The following STAG1 variants were observed in gnomAD, a reference collection of about 807,000 sequenced individuals.
STAG1 encodes the protein STAG1 cohesin complex component, also known as cohesin subunit SA-1.
A neutral mutation model predicts 170.9 loss-of-function variants in STAG1; 26 were observed. The ratio of observed to expected loss-of-function variants is 0.15; its 90% CI spans 0.11 to 0.21. STAG1 has a LOEUF of 0.21. Ranked by LOEUF, STAG1 falls within the 10% of genes least tolerant of loss-of-function variation. The pLI, the probability that STAG1 is intolerant of heterozygous loss-of-function variation, is 1.00. For missense variants in STAG1, 964 were observed against 1,509.5 expected (o/e 0.64, Z 5.99); for synonymous variants, 514 against 497.7 (o/e 1.03, Z -0.44).
rs141658224 is a variant in STAG1, at chr3:136,340,363, C to T, written c.3672+128G>A. ...TTTCGAACTCCCGACCTCAGGTGAT[C>T]CACCCACCTCAGCCTCCCAAAGTGC... is the stretch of plus-strand genomic sequence containing the variant. On this transcript the variant is annotated intron_variant, in intron 32 of 33. Coordinates refer to ENST00000383202, the MANE Select transcript of STAG1 (RefSeq NM_005862.3). 9.6e-4 allele frequency: 572 copies of T among 597,534 alleles called. 3 individuals carry two copies. The East Asian group carries it at 0.017, about 17-fold the overall frequency. 37.0% of individuals were successfully genotyped at this position (597,534 alleles called of 1,614,324 possible). A position where few individuals can be genotyped will look rare whatever the true frequency, so the allele number is the denominator to read the frequency against.
chr3:136,383,516 T>C (rs1938091307), intron 22 of STAG1, among the ~76,000 whole-genome samples: 1 of 152,214 alleles, frequency 6.6e-6, no homozygotes, highest in Admixed American at 6.5e-5. Context: ...CTTCATTTTA[T>C]CTGGGCCAGA....
intron 22 of STAG1, among the ~76,000 whole-genome samples, chr3:136,379,436 C>T (rs946699542): frequency 3.9e-5 from 6 of 152,146 alleles, no homozygotes; most frequent in Non-Finnish European, 7.3e-5. Flanking sequence ...TGGCTGGGTG[C>T]GGTGGCTCAC....
intron 7 of STAG1, among the ~76,000 whole-genome samples, chr3:136,510,090 A>G (rs1339054819): frequency 2.0e-5 from 3 of 152,222 alleles, no homozygotes; most frequent in Non-Finnish European, 2.9e-5. Flanking sequence ...CAAAGACCTA[A>G]AAACAGAACT....
chr3:136,565,104 GAA>G (rs1161954759), intron 5 of STAG1, among the ~76,000 whole-genome samples: 5 of 132,970 alleles, frequency 3.8e-5, no homozygotes, highest in East Asian at 2.2e-4. Context: ...AAAGGAAAGA[GAA>G]AGAGAGAGAA....
chr3:136,707,909 CA>C (rs1204964633), intron 1 of STAG1, among the ~76,000 whole-genome samples: 1 of 152,074 alleles, frequency 6.6e-6, no homozygotes, highest in Non-Finnish European at 1.5e-5. Flanking sequence ...CACTGGGGAT[CA>C]AATTTCAACA....
chr3:136,661,030 C>T (rs1343346858), intron 1 of STAG1, among the ~76,000 whole-genome samples: 2 of 151,992 alleles, frequency 1.3e-5, no homozygotes, highest in East Asian at 1.9e-4. Flanking sequence ...AGCAGAAATT[C>T]AGAAAATAAT....
intron 6 of STAG1, among the ~76,000 whole-genome samples, chr3:136,541,190 CCT>C (rs1433827863): frequency 1.3e-5 from 2 of 151,958 alleles, no homozygotes; most frequent in Non-Finnish European, 2.9e-5. Context: ...GTGCCCACTC[CCT>C]GTCAAAGAGC....
At chr3:136,428,233 T>C (rs2088190954) in intron 16 of STAG1, among the ~76,000 whole-genome samples, 1 of 152,150 alleles carries the variant, frequency 6.6e-6, no homozygotes, top group South Asian at 2.1e-4. Context: ...AGCTGCTAAC[T>C]CTCAAAAGCC....
intron 26 of STAG1, among the ~76,000 whole-genome samples, chr3:136,362,824 GTCAGCTGACCCA>G (rs1200433458): frequency 2.0e-5 from 3 of 151,556 alleles, no homozygotes; most frequent in African/African-American, 7.3e-5. Context: ...CAAATACACA[GTCAGCTGACCCA>G]TCACCATTTA....
chr3:136,600,970 G>A (rs1334418437), intron 4 of STAG1, among the ~76,000 whole-genome samples: 2 of 151,874 alleles, frequency 1.3e-5, no homozygotes, highest in African/African-American at 4.8e-5. Flanking sequence ...GGCTCACTGC[G>A]ACCTCCGCCT....
At chr3:136,616,964 T>G (rs1280546980) in intron 3 of STAG1, among the ~76,000 whole-genome samples, 1 of 152,222 alleles carries the variant, frequency 6.6e-6, no homozygotes, top group Non-Finnish European at 1.5e-5. Context: ...TATACCCATA[T>G]ATTTTGCTGT....
intron 1 of STAG1, among the ~76,000 whole-genome samples, chr3:136,731,534 T>C (rs960183464): frequency 2.6e-5 from 4 of 152,178 alleles, no homozygotes; most frequent in Non-Finnish European, 5.9e-5. Context: ...GAGAGAACAC[T>C]TAGATCAACC....
chr3:136,357,477 T>G (rs1332121195), intron 28 of STAG1, among the ~76,000 whole-genome samples: 4 of 152,190 alleles, frequency 2.6e-5, no homozygotes, highest in African/African-American at 7.2e-5. Flanking sequence ...ATCTTTGAAC[T>G]GCATAATAAG....
At chr3:136,443,240 C>G (rs2088683776) in intron 15 of STAG1, 47 bp downstream of exon 15, 1 of 1,320,782 alleles carries the variant, frequency 7.6e-7, no homozygotes, top group Admixed American at 1.7e-5. Flanking sequence ...GTATTGCTAT[C>G]AATGGAAATA....
At chr3:136,518,367 C>T (rs1264682860) in intron 7 of STAG1, 1 of 700,440 alleles carries the variant, frequency 1.4e-6, no homozygotes, top group East Asian at 2.7e-5. Context: ...GTCTTTGAAG[C>T]AGAGGATTAA....
intron 8 of STAG1, 25 bp from the exon 9 acceptor site, chr3:136,500,321 T>C (rs1343708832): frequency 9.6e-6 from 14 of 1,457,606 alleles, no homozygotes; most frequent in Non-Finnish European, 1.3e-5. Context: ...TATATATAAG[T>C]TGAAATCCTG....
intron 22 of STAG1, among the ~76,000 whole-genome samples, chr3:136,384,306 C>T (rs1266104864): frequency 4.7e-5 from 7 of 150,150 alleles, no homozygotes; most frequent in South Asian, 2.1e-4. Context: ...CAAAAACTGC[C>T]GGGTGTGGTG....
intron 1 of STAG1, among the ~76,000 whole-genome samples, chr3:136,646,112 G>C (rs1941001859): frequency 6.6e-6 from 1 of 152,110 alleles, no homozygotes; most frequent in Non-Finnish European, 1.5e-5. Flanking sequence ...ACACAGTCTA[G>C]GGCTTACTCC....
At chr3:136,601,507 A>G (rs780380191) in intron 4 of STAG1, among the ~76,000 whole-genome samples, 1 of 152,170 alleles carries the variant, frequency 6.6e-6, no homozygotes, top group Non-Finnish European at 1.5e-5. Context: ...TCAGAAAATA[A>G]GAAACAAAAA....
Sources: allele counts gnomAD v4.1 joint callset (sites outside exome capture counted in the v4.1 genomes callset), GRCh38; gene constraint gnomAD v4.1.1; transcripts MANE v1.5; gene names NCBI Gene and HGNC (gene_info 2026-07-23, HGNC 2026-07-21).